The following WWP2 variants were observed in gnomAD, a reference collection of about 807,000 sequenced individuals.
WWP2 encodes the protein NEDD4-like E3 ubiquitin-protein ligase WWP2.
A neutral mutation model predicts 121.0 loss-of-function variants in WWP2; 57 were observed. That is an observed-to-expected ratio of 0.47 (90% confidence interval 0.38 to 0.59). The LOEUF is 0.59. WWP2 is among the 20% of genes least tolerant of loss of function. The pLI, the probability that WWP2 is intolerant of heterozygous loss-of-function variation, is 0.00. For missense variants in WWP2, 962 were observed against 1,158.9 expected (o/e 0.83, Z 2.47); for synonymous variants, 449 against 441.3 (o/e 1.02, Z -0.22).
intron 11 of WWP2, among the ~76,000 whole-genome samples, chr16:69,928,303 G>T (rs1212403315): frequency 6.6e-6 from 1 of 152,166 alleles, no homozygotes; most frequent in Non-Finnish European, 1.5e-5. Context: ...GAAGGCTCAG[G>T]AACTTCCTGG....
chr16:69,840,222 T>A lies in WWP2; in HGVS notation c.437T>A (p.Val146Asp). The stretch of plus-strand genomic sequence containing the variant: ...ACAATTTTCCTGGACGGGCCAACTG[T>A]TGATCTGGGAAATGTGCCTAATGGC... The part of the protein sequence containing the change: ...ELTIFLDGPT[V>D]DLGNVPNGSA... The change falls in exon 5 of 24, where the codon GTT (valine) becomes GAT (aspartate). Residue 146 changes from valine (V) to aspartate (D), a missense_variant. Val to Asp is a radical substitution (Grantham distance 152). Transcript: ENST00000359154. 1 of 1,614,240 alleles carries A rather than the reference T, an allele frequency of 6.2e-7. No homozygotes were observed. The highest frequency in any genetic ancestry group is 8.5e-7 in the Non-Finnish European group (1 of 1,180,046).
rs576669742 is a variant in WWP2, at chr16:69,922,605, T to G, written c.1180-2825T>G. ...CGTAACACCTTGACATCTCTCATTT[T>G]AGGGGAATGTGGTAGAAGAGGAGGG... On this transcript the variant is annotated intron_variant, in intron 10 of 23. Transcript: ENST00000359154. 2.0e-5 allele frequency among the ~76,000 whole-genome samples: 3 copies of G among 152,338 alleles called. 1 individual carries two copies. Among genetic ancestry groups the G allele is most frequent in the African/African-American group, 7.2e-5 (3 of 41,580 alleles).
Position 69,931,623 on chromosome 16 carries a change from C to T in WWP2, c.1593+43C>T, listed in dbSNP as rs1335249599. On this transcript the variant is annotated intron_variant, in intron 15 of 23. Transcript: ENST00000359154. ...GAAACCAGTGGCAGGCCGACGCCCT[C>T]CTCCCAGCACCCCATCTCCTATCGC... 6 of 1,611,058 alleles carry T rather than the reference C, an allele frequency of 3.7e-6. No individual in the cohort carries two copies. In the East Asian group the frequency reaches 1.3e-4, roughly 36 times the overall value.
rs567903879 is a variant in WWP2, at chr16:69,839,485, G to T, written c.341-641G>T. 4.3e-4 allele frequency among the ~76,000 whole-genome samples: 65 copies of T among 152,278 alleles called. 1 individual carries two copies. The highest frequency in any genetic ancestry group is 3.4e-3 in the Middle Eastern group (1 of 294). On this transcript the variant is annotated intron_variant, in intron 4 of 23. Transcript: ENST00000359154. ...GTTTTTCTGCTACAGTCACCCACAG[G>T]ACTGAATCTGCCTGGTATCCTTGGG...
intron 4 of WWP2, among the ~76,000 whole-genome samples, chr16:69,825,996 G>GA (rs2056680724): frequency 1.3e-5 from 2 of 152,296 alleles, no homozygotes; most frequent in South Asian, 4.1e-4. Context: ...GCCAGGCGCG[G>GA]TGGCTCATGC....
chr16:69,935,975 T>A lies in WWP2; in HGVS notation c.1965T>A (p.Ile655=). 1 of 1,613,958 alleles carries A rather than the reference T, an allele frequency of 6.2e-7. No individual in the cohort carries two copies. Among genetic ancestry groups the A allele is most frequent in the East Asian group, 2.2e-5 (1 of 44,866 alleles). The change falls in exon 18 of 24, where the codon ATT becomes ATA. Residue 655 remains isoleucine (I), a synonymous_variant. Coordinates refer to ENST00000359154, the MANE Select transcript of WWP2 (RefSeq NM_001270454.2). This position sits in a 1 kb window ranked among gnomAD's most constrained non-coding sequence, Gnocchi z 5.2. ...TTGACCCTGAGTTCTACAACTCCAT[T>A]GTCTGGATCAAGTGAGTTCCCTGCC... ...ESIDPEFYNS[I]VWIKENNLEE... is the part of the protein sequence containing the mutation.
chr16:69,838,117 A>G (rs1469679136), intron 4 of WWP2, among the ~76,000 whole-genome samples: 1 of 152,160 alleles, frequency 6.6e-6, no homozygotes, highest in Non-Finnish European at 1.5e-5. Context: ...AGTTAGACCA[A>G]GAGGAATTAG....
intron 2 of WWP2, among the ~76,000 whole-genome samples, chr16:69,787,667 C>T (rs953609260): frequency 1.3e-5 from 2 of 152,332 alleles, no homozygotes; most frequent in East Asian, 1.9e-4. Flanking sequence ...TACCTGCACT[C>T]GCTCCCTAGG....
intron 4 of WWP2, chr16:69,838,793 G>A: frequency 1.0e-6 from 1 of 985,498 alleles, no homozygotes. Context: ...GCTGAAAATA[G>A]CAGCAGACTC....
intron 10 of WWP2, among the ~76,000 whole-genome samples, chr16:69,924,083 G>C (rs2058603654): frequency 2.0e-5 from 3 of 152,386 alleles, no homozygotes; most frequent in Middle Eastern, 6.8e-3. Flanking sequence ...GTGTGGGCAG[G>C]AGGCCCTGCC....
intron 8 of WWP2, among the ~76,000 whole-genome samples, chr16:69,893,813 G>T (rs1364102231): frequency 6.6e-6 from 1 of 152,120 alleles, no homozygotes; most frequent in African/African-American, 2.4e-5. Context: ...CAAAATGCTG[G>T]GATTACAGGA....
At chr16:69,844,144 G>C (rs929282851) in intron 6 of WWP2, among the ~76,000 whole-genome samples, 1 of 152,024 alleles carries the variant, frequency 6.6e-6, no homozygotes, top group Non-Finnish European at 1.5e-5. Context: ...TCACTGTAAA[G>C]GCGTTGCCTC....
chr16:69,793,436 A>G (rs546366447), intron 2 of WWP2, among the ~76,000 whole-genome samples: 6 of 152,302 alleles, frequency 3.9e-5, no homozygotes, highest in African/African-American at 1.4e-4. Context: ...AAAACAGGCC[A>G]TATGGGAGAC....
chr16:69,777,206 G>T (rs8057938), intron 1 of WWP2, among the ~76,000 whole-genome samples: 130,831 of 151,730 alleles, frequency 0.86, 56,631 homozygotes, highest in Admixed American at 0.92. Context: ...TACATATGGA[G>T]ATATCATATA....
At chr16:69,765,088 CAGG>C (rs927186237) in intron 1 of WWP2, among the ~76,000 whole-genome samples, 1 of 152,010 alleles carries the variant, frequency 6.6e-6, no homozygotes, top group Non-Finnish European at 1.5e-5. Context: ...CCTGGCTACT[CAGG>C]AGGCTGAGGT....
At chr16:69,889,157 A>G (rs979465082) in intron 8 of WWP2, among the ~76,000 whole-genome samples, 5 of 151,974 alleles carry the variant, frequency 3.3e-5, no homozygotes, top group Non-Finnish European at 7.4e-5. Context: ...ACACACACAC[A>G]CACACACACA....
Position 69,911,166 on chromosome 16 carries a change from C to T in WWP2, c.1004+2316C>T, listed in dbSNP as rs185344456. On this transcript the variant is annotated intron_variant, in intron 9 of 23. Transcript: ENST00000359154. ...CTAGTCCCTGGGGAGCAAGATTGAA[C>T]CACCGATTCACTTAATCATGGCCGT... 1.6e-3 allele frequency among the ~76,000 whole-genome samples: 245 copies of T among 152,366 alleles called. 5 individuals carry two copies. The highest frequency in any genetic ancestry group is 0.015 in the Admixed American group (235 of 15,304).
intron 7 of WWP2, among the ~76,000 whole-genome samples, chr16:69,885,752 T>A (rs552023532): frequency 6.6e-6 from 1 of 152,212 alleles, no homozygotes; most frequent in African/African-American, 2.4e-5. Context: ...TATAGTTTCC[T>A]TAAGTGTTAA....
In WWP2 at chr16:69,853,084, A is replaced by G. The variant is rs117248035; in HGVS notation, c.575+10964A>G. ...ACAGGGAACCAGTGGATTTTGAGCA[A>G]GGCAATGGTAAGGCTATTTCTGCGG... On this transcript the variant is annotated intron_variant, in intron 6 of 23. Coordinates refer to ENST00000359154, the MANE Select transcript of WWP2 (RefSeq NM_001270454.2). Among the ~76,000 whole-genome samples, 410 of 152,334 alleles carry G rather than the reference A, an allele frequency of 2.7e-3. 1 individual carries two copies. The highest frequency in any genetic ancestry group is 4.4e-3 in the Non-Finnish European group (302 of 68,024).
Sources: gnomAD v4.1 joint callset for allele counts (sites outside exome capture counted in the v4.1 genomes callset) on GRCh38, gnomAD v4.1.1 for gene constraint, Gnocchi (gnomAD v3.1) non-coding constraint, MANE v1.5 for transcripts, NCBI Gene and HGNC (gene_info 2026-07-23, HGNC 2026-07-21) for gene names.